BASP1: variants seen among roughly 807,000 people sequenced by gnomAD.
BASP1 encodes brain acid soluble protein 1.
Under a neutral mutation model 2.2 loss-of-function variants are expected in BASP1, and 1 was observed. The ratio of observed to expected loss-of-function variants is 0.46; its 90% CI spans 0.16 to 2.17. The LOEUF (loss-of-function observed/expected upper bound fraction) is 2.17. BASP1 is among the 30% of genes most tolerant of loss of function. The pLI, the probability that BASP1 is intolerant of heterozygous loss-of-function variation, is 0.27. For missense variants in BASP1, 352 were observed against 327.2 expected (o/e 1.08, Z -0.58); for synonymous variants, 187 against 154.2 (o/e 1.21, Z -1.58).
At chr5:17,268,382 G>A (rs905710159) in intron 1 of BASP1, among the ~76,000 whole-genome samples, 1 of 152,176 alleles carries the variant, frequency 6.6e-6, no homozygotes, top group East Asian at 1.9e-4. Context: ...CTGTGCTAAT[G>A]GAGTGGTGTA....
intron 1 of BASP1, among the ~76,000 whole-genome samples, chr5:17,218,587 T>TCCCGGC (rs1413767440): frequency 2.6e-5 from 4 of 151,926 alleles, no homozygotes; most frequent in Non-Finnish European, 5.9e-5. Flanking sequence ...CCGCCCTGGG[T>TCCCGGC]CCCGGCCCCG....
At chr5:17,272,412 C>T (rs542354290) in intron 1 of BASP1, among the ~76,000 whole-genome samples, 2 of 152,276 alleles carry the variant, frequency 1.3e-5, no homozygotes, top group South Asian at 2.1e-4. Flanking sequence ...TACAGCTCCA[C>T]GAACTCAGCT....
At chr5:17,255,403 T>G (rs1406473514) in intron 1 of BASP1, among the ~76,000 whole-genome samples, 1 of 152,194 alleles carries the variant, frequency 6.6e-6, no homozygotes, top group Non-Finnish European at 1.5e-5. Flanking sequence ...CTAGGTTTTT[T>G]TTTCCCATTA....
intron 1 of BASP1, among the ~76,000 whole-genome samples, chr5:17,228,111 A>T (rs1280423153): frequency 6.6e-6 from 1 of 152,238 alleles, no homozygotes; most frequent in Non-Finnish European, 1.5e-5. Flanking sequence ...ACTGATGGAA[A>T]GTCTCATTGA....
intron 1 of BASP1, among the ~76,000 whole-genome samples, chr5:17,252,241 T>C (rs1740116028): frequency 6.6e-6 from 1 of 152,168 alleles, no homozygotes; most frequent in Admixed American, 6.5e-5. Flanking sequence ...TTTTTGGTAT[T>C]ATGGAAACAT....
At chr5:17,274,334 TAAG>T (rs1052038863) in intron 1 of BASP1, among the ~76,000 whole-genome samples, 2 of 152,182 alleles carry the variant, frequency 1.3e-5, no homozygotes, top group African/African-American at 4.8e-5. Flanking sequence ...CCCTGCTTGG[TAAG>T]AAGATAGACT....
chr5:17,243,482 G>C (rs143277399), intron 1 of BASP1, among the ~76,000 whole-genome samples: 2 of 152,008 alleles, frequency 1.3e-5, no homozygotes, highest in African/African-American at 4.8e-5. Context: ...TTCAGTTTCC[G>C]GTGTCTAACT....
intron 1 of BASP1, among the ~76,000 whole-genome samples, chr5:17,224,009 T>C (rs1184724285): frequency 6.6e-6 from 1 of 152,202 alleles, no homozygotes; most frequent in African/African-American, 2.4e-5. Flanking sequence ...TGACAAATCT[T>C]TGGAAGGAAT....
intron 1 of BASP1, among the ~76,000 whole-genome samples, chr5:17,224,979 G>A (rs955289714): frequency 6.6e-6 from 1 of 152,184 alleles, no homozygotes; most frequent in African/African-American, 2.4e-5. Flanking sequence ...AACCACTATC[G>A]AAACCTCAGT....
chr5:17,274,977 A>G (rs1740600154), intron 1 of BASP1, among the ~76,000 whole-genome samples: 2 of 152,058 alleles, frequency 1.3e-5, no homozygotes, highest in Admixed American at 6.6e-5. Context: ...TGCAGTGAGA[A>G]GAGATCTCAC....
intron 1 of BASP1, among the ~76,000 whole-genome samples, chr5:17,270,288 C>T (rs1740505110): frequency 6.6e-6 from 1 of 152,188 alleles, no homozygotes; most frequent in South Asian, 2.1e-4. Context: ...GTGTGAGCCA[C>T]CACACACAGC....
chr5:17,256,041 T>C (rs1009449019), intron 1 of BASP1, among the ~76,000 whole-genome samples: 38 of 152,172 alleles, frequency 2.5e-4, no homozygotes, highest in African/African-American at 8.0e-4. Flanking sequence ...GGTGTCCTCT[T>C]GTTGACATCT....
chr5:17,250,997 C>T (rs554577561), intron 1 of BASP1, among the ~76,000 whole-genome samples: 2 of 152,290 alleles, frequency 1.3e-5, no homozygotes, highest in South Asian at 4.1e-4. Context: ...GAACAGAAAA[C>T]CTAAAACTAA....
chr5:17,250,384 G>A (rs958072611), intron 1 of BASP1, among the ~76,000 whole-genome samples: 4 of 152,054 alleles, frequency 2.6e-5, no homozygotes, highest in Admixed American at 2.0e-4. Flanking sequence ...TGACTTTATG[G>A]TAACTATTAA....
intron 1 of BASP1, among the ~76,000 whole-genome samples, chr5:17,257,377 T>C (rs1740235778): frequency 1.3e-5 from 2 of 152,218 alleles, no homozygotes; most frequent in Non-Finnish European, 2.9e-5. Flanking sequence ...TGTTTACCTG[T>C]GTTGAATACA....
rs781263372 is a variant in BASP1, at chr5:17,260,584, G to C, written c.-9-14624G>C. On this transcript the variant is annotated intron_variant, in intron 1 of 1. Coordinates refer to ENST00000322611, the MANE Select transcript of BASP1 (RefSeq NM_006317.5). The surrounding 1 kb of genome is among the most constrained non-coding windows in gnomAD (Gnocchi z 4.2). ...CAACGGAAATTTCAGTTACAATTTA[G>C]TTTATTGATTTTTTTCTACTGCTGG... Among the ~76,000 whole-genome samples the C allele has an allele frequency of 3.9e-5, 6 of 152,166 alleles. No individual in the cohort carries two copies. The highest frequency in any genetic ancestry group is 3.2e-3 in the Middle Eastern group (1 of 316).
At chr5:17,250,647 C>T (rs1740083605) in intron 1 of BASP1, among the ~76,000 whole-genome samples, 1 of 152,084 alleles carries the variant, frequency 6.6e-6, no homozygotes, top group Non-Finnish European at 1.5e-5. Flanking sequence ...CTTTGTCGCC[C>T]AGGCTGGAGT....
chr5:17,244,714 A>G (rs1054162508), intron 1 of BASP1, among the ~76,000 whole-genome samples: 4 of 146,390 alleles, frequency 2.7e-5, no homozygotes, highest in Non-Finnish European at 6.0e-5. Flanking sequence ...TTTTTTTGAG[A>G]CGGAGTCTCG....
intron 1 of BASP1, among the ~76,000 whole-genome samples, chr5:17,233,730 A>T (rs1483397406): frequency 6.0e-5 from 9 of 150,310 alleles, no homozygotes; most frequent in African/African-American, 2.0e-4. Context: ...ACGCCTTTTG[A>T]TGTGTGTTTC....
Sources: gnomAD v4.1 joint callset for allele counts (sites outside exome capture counted in the v4.1 genomes callset) on GRCh38, gnomAD v4.1.1 for gene constraint, Gnocchi (gnomAD v3.1) non-coding constraint, MANE v1.5 for transcripts, NCBI Gene and HGNC (gene_info 2026-07-23, HGNC 2026-07-21) for gene names.